Variants in ABTB3 observed in about 807,000 individuals in gnomAD.
The protein encoded by ABTB3 is ankyrin repeat and BTB domain containing 3, also known as ankyrin repeat- and BTB/POZ domain-containing protein 3.
At chr12:107,475,193 A>T in the ABTB3 span, among the ~76,000 whole-genome samples, 11 of 152,152 alleles carry the variant, frequency 7.2e-5, no homozygotes, top group Non-Finnish European at 1.6e-4. Context: ...GTTTTAAGGG[A>T]CAATATCTCC....
chr12:107,394,803 A>G, the ABTB3 span, among the ~76,000 whole-genome samples: 1 of 152,244 alleles, frequency 6.6e-6, no homozygotes, highest in African/African-American at 2.4e-5. Context: ...CATCATCATT[A>G]TGATCATCAC....
the ABTB3 span, chr12:107,635,395 G>A: frequency 6.2e-7 from 1 of 1,612,820 alleles, no homozygotes; most frequent in Non-Finnish European, 8.5e-7. Flanking sequence ...GCTTGGGTGA[G>A]TGGTTCCCCC....
the ABTB3 span, among the ~76,000 whole-genome samples, chr12:107,462,087 C>T: frequency 6.6e-6 from 1 of 152,100 alleles, no homozygotes; most frequent in Non-Finnish European, 1.5e-5. Flanking sequence ...CTTCAATCAG[C>T]CTCAGTTTAG....
the ABTB3 span, among the ~76,000 whole-genome samples, chr12:107,563,257 A>C: frequency 2.1e-4 from 32 of 152,344 alleles, no homozygotes; most frequent in African/African-American, 7.5e-4. Flanking sequence ...AACCACCAGA[A>C]TTTAAGCTAA....
At chr12:107,518,291 G>A in the ABTB3 span, among the ~76,000 whole-genome samples, 1 of 152,078 alleles carries the variant, frequency 6.6e-6, no homozygotes, top group Non-Finnish European at 1.5e-5. Context: ...AAATCATGCT[G>A]CTATAAAGAC....
the ABTB3 span, among the ~76,000 whole-genome samples, chr12:107,495,797 T>A: frequency 1.3e-5 from 2 of 152,216 alleles, no homozygotes; most frequent in African/African-American, 4.8e-5. Flanking sequence ...CCAGGTCACA[T>A]AACTCTTCCC....
the ABTB3 span, among the ~76,000 whole-genome samples, chr12:107,448,837 C>T: frequency 9.9e-5 from 15 of 152,196 alleles, no homozygotes; most frequent in African/African-American, 3.6e-4. Context: ...TCCCAAAGTG[C>T]TGGGATTATG....
At chr12:107,568,103 C>G in the ABTB3 span, among the ~76,000 whole-genome samples, 9 of 152,240 alleles carry the variant, frequency 5.9e-5, no homozygotes, top group African/African-American at 1.9e-4. Flanking sequence ...TTTGGAGAAG[C>G]AATAAAATAA....
the ABTB3 span, among the ~76,000 whole-genome samples, chr12:107,403,027 C>G: frequency 6.6e-6 from 1 of 152,204 alleles, no homozygotes; most frequent in Non-Finnish European, 1.5e-5. Context: ...CCTTCTTCTC[C>G]TCCATCTGCT....
At chr12:107,373,217 T>C in the ABTB3 span, among the ~76,000 whole-genome samples, 2 of 152,226 alleles carry the variant, frequency 1.3e-5, no homozygotes, top group Non-Finnish European at 2.9e-5. Flanking sequence ...GTGCTCCTAC[T>C]GTGTGCTGAG....
At chr12:107,524,858 T>A in the ABTB3 span, among the ~76,000 whole-genome samples, 1 of 152,210 alleles carries the variant, frequency 6.6e-6, no homozygotes, top group Non-Finnish European at 1.5e-5. Flanking sequence ...TCCCTGCAAA[T>A]TGCTCTGAAG....
the ABTB3 span, chr12:107,619,937 C>T: frequency 6.7e-7 from 1 of 1,499,390 alleles, no homozygotes. Context: ...CCTTTCCCCT[C>T]TCTCTCCCCC....
the ABTB3 span, chr12:107,318,933 G>T: frequency 1.3e-6 from 2 of 1,587,194 alleles, no homozygotes; most frequent in Non-Finnish European, 8.6e-7. Flanking sequence ...GCATGAAGTG[G>T]CGCAGCGATG....
the ABTB3 span, among the ~76,000 whole-genome samples, chr12:107,643,770 T>TTTTG: frequency 0.047 from 6,563 of 140,094 alleles, 230 homozygotes; most frequent in Middle Eastern, 0.11. Context: ...TTTTTTTTTT[T>TTTTG]GTTGAGAGAG....
At chr12:107,421,555 G>A in the ABTB3 span, among the ~76,000 whole-genome samples, 1 of 152,236 alleles carries the variant, frequency 6.6e-6, no homozygotes, top group African/African-American at 2.4e-5. Flanking sequence ...GTGCTGAAAT[G>A]CTTCAGAGAA....
the ABTB3 span, among the ~76,000 whole-genome samples, chr12:107,482,058 G>A: frequency 6.6e-6 from 1 of 152,102 alleles, no homozygotes; most frequent in South Asian, 2.1e-4. Context: ...AAAGCAGAAA[G>A]GAGGGTCCAC....
chr12:107,554,037 A>G, the ABTB3 span, among the ~76,000 whole-genome samples: 13 of 152,322 alleles, frequency 8.5e-5, no homozygotes, highest in African/African-American at 2.9e-4. Flanking sequence ...GTAGAAGCAT[A>G]AGGGATGGTA....
At chr12:107,319,331 A>G in the ABTB3 span, 1 of 1,548,796 alleles carries the variant, frequency 6.5e-7, no homozygotes, top group East Asian at 2.4e-5. Context: ...CGCGCTGGCC[A>G]AGCTGTCGAC....
chr12:107,462,008 T>C, the ABTB3 span, among the ~76,000 whole-genome samples: 2 of 152,158 alleles, frequency 1.3e-5, no homozygotes. Context: ...GTGGTCTGCA[T>C]TGGGAGAAAC....
Sources: allele counts gnomAD v4.1 joint callset (sites outside exome capture counted in the v4.1 genomes callset), GRCh38; gene constraint gnomAD v4.1.1; transcripts MANE v1.5; gene names NCBI Gene and HGNC (gene_info 2026-07-23, HGNC 2026-07-21).